Variants in RAG1 observed in about 807,000 individuals in gnomAD.
RAG1 encodes the protein recombination activating 1.
RAG1 carries 35 observed loss-of-function variants against 62.7 expected under a neutral mutation model. The ratio of observed to expected loss-of-function variants is 0.56; its 90% CI spans 0.43 to 0.74. The LOEUF (loss-of-function observed/expected upper bound fraction) is 0.74, where lower values mean the gene tolerates loss of function less well. Ranked by LOEUF, RAG1 falls within the 30% of genes least tolerant of loss-of-function variation. RAG1 has a pLI of 0.00. For missense variants in RAG1, 1,169 were observed against 1,278.6 expected (o/e 0.91, Z 1.31); for synonymous variants, 461 against 470.3 (o/e 0.98, Z 0.26).
intron 3 of RAG1, among the ~76,000 whole-genome samples, chr11:36,546,171 G>T (rs1850390368): frequency 6.6e-6 from 1 of 152,206 alleles, no homozygotes; most frequent in South Asian, 2.1e-4. Context: ...AATATTGACA[G>T]TGGGGTGTTA....
At chr11:36,557,079 G>GC (rs1180294090) in intron 3 of RAG1, among the ~76,000 whole-genome samples, 1 of 918 alleles carries the variant, frequency 1.1e-3, no homozygotes, top group African/African-American at 0.019. Context: ...TCTGTGCCCT[G>GC]CCCCCAGAGG....
At position 36,575,479 on chromosome 11, in the gene RAG1, C is replaced by G; in HGVS notation, c.2175C>G (p.Gly725=). The change falls in exon 2 of 2, where the codon GGC becomes GGG. Residue 725 remains glycine, a synonymous_variant. Transcript: ENST00000299440. The surrounding 1 kb of genome is among the most constrained non-coding windows in gnomAD (Gnocchi z 4.1). ...AAGTGGAAGGCCTCGAGGCTTCTGG[C>G]TCAGTCTACATTTGTACTCTTTGTG... ...VREVEGLEAS[G]SVYICTLCDA... The G allele has an allele frequency of 6.2e-7, 1 of 1,614,160 alleles. No individual in the cohort carries two copies. Among genetic ancestry groups the G allele is most frequent in the Non-Finnish European group, 8.5e-7 (1 of 1,180,030 alleles).
In RAG1 at chr11:36,576,346, C is replaced by T. The variant is rs1850851517; in HGVS notation, c.3042C>T (p.Thr1014=). The part of the protein sequence containing the change: ...KFMNAHNALK[T]SGFTMNPQAS... ...TGAATGCTCATAATGCATTAAAAAC[C>T]TCTGGGTTTACCATGAACCCTCAGG... The change falls in exon 2 of 2, where the codon ACC becomes ACT. Residue 1014 remains threonine, a synonymous_variant. Transcript: ENST00000299440. 6.2e-7 allele frequency: 1 copy of T among 1,614,108 alleles called. No individual in the cohort carries two copies. Among genetic ancestry groups the T allele is most frequent in the Non-Finnish European group, 8.5e-7 (1 of 1,180,016 alleles).
At chr11:36,548,304 G>A (rs758811549) in intron 3 of RAG1, among the ~76,000 whole-genome samples, 3 of 152,162 alleles carry the variant, frequency 2.0e-5, no homozygotes, top group East Asian at 1.9e-4. Flanking sequence ...GAAATAAAGC[G>A]TATTCAGATG....
chr11:36,535,889 C>A (rs1811807061), intron 2 of RAG1: 1 of 151,916 alleles, frequency 6.6e-6, no homozygotes, highest in Non-Finnish European at 1.5e-5. Context: ...ATATCATTAA[C>A]CCATGAAAAA....
intron 3 of RAG1, among the ~76,000 whole-genome samples, chr11:36,549,311 G>T (rs1310202698): frequency 6.6e-6 from 1 of 152,102 alleles, no homozygotes; most frequent in Non-Finnish European, 1.5e-5. Context: ...CACAGCAAAA[G>T]AAACTATCAT....
chr11:36,511,809 G>A (rs1859926988), intron 1 of RAG1, among the ~76,000 whole-genome samples: 1 of 152,128 alleles, frequency 6.6e-6, no homozygotes, highest in Non-Finnish European at 1.5e-5. Context: ...CTGGAGAAAA[G>A]GAAGAGCAAG....
chr11:36,576,108 TCAC>T lies in RAG1; in HGVS notation c.2807_2809del (p.Thr936del). ...TTCAAGTATAGGTATGAGGGAAAAA[TCAC>T]CAATTATTTTCACAAAACCCTGGCC... On this transcript the variant is annotated inframe_deletion, in exon 2 of 2. Transcript: ENST00000299440. The T allele has an allele frequency of 6.2e-7, 1 of 1,613,980 alleles. No homozygotes were observed. The highest frequency in any genetic ancestry group is 8.5e-7 in the Non-Finnish European group (1 of 1,180,016).
intron 2 of RAG1, among the ~76,000 whole-genome samples, chr11:36,526,610 C>A (rs1047544553): frequency 6.6e-6 from 1 of 152,096 alleles, no homozygotes; most frequent in East Asian, 1.9e-4. Context: ...AATGGGATTG[C>A]TAGTTCAAAT....
chr11:36,515,281 G>A (rs891745744), intron 1 of RAG1, among the ~76,000 whole-genome samples: 2 of 151,928 alleles, frequency 1.3e-5, no homozygotes, highest in Admixed American at 6.6e-5. Flanking sequence ...ATTAAAAGGC[G>A]AAAGAGGAAT....
At chr11:36,559,610 GT>G (rs561134199) in intron 3 of RAG1, among the ~76,000 whole-genome samples, 1 of 151,852 alleles carries the variant, frequency 6.6e-6, no homozygotes, top group Non-Finnish European at 1.5e-5. Flanking sequence ...CAAAAGACTT[GT>G]TTTCAAGTTC....
chr11:36,547,865 G>GA (rs1246506297), intron 3 of RAG1, among the ~76,000 whole-genome samples: 3 of 152,070 alleles, frequency 2.0e-5, no homozygotes. Flanking sequence ...ACATCGATGT[G>GA]AAAATCCTCA....
chr11:36,522,946 C>A (rs565518554), intron 2 of RAG1, among the ~76,000 whole-genome samples: 1 of 152,210 alleles, frequency 6.6e-6, no homozygotes, highest in African/African-American at 2.4e-5. Context: ...TGTATTTACC[C>A]AATGACTGTA....
chr11:36,571,649 C>T (rs1850746950), intron 1 of RAG1, among the ~76,000 whole-genome samples: 1 of 152,136 alleles, frequency 6.6e-6, no homozygotes, highest in Admixed American at 6.5e-5. Context: ...GAGTCCTGCT[C>T]TGTCATCCAG....
chr11:36,514,163 T>C (rs1190266525), intron 1 of RAG1, among the ~76,000 whole-genome samples: 1 of 152,198 alleles, frequency 6.6e-6, no homozygotes, highest in East Asian at 1.9e-4. Flanking sequence ...GCCAAAGCCT[T>C]GTGAGTGAGT....
At chr11:36,544,717 G>A (rs541433665) in intron 3 of RAG1, among the ~76,000 whole-genome samples, 4 of 152,234 alleles carry the variant, frequency 2.6e-5, no homozygotes, top group East Asian at 1.9e-4. Context: ...CCCAAATCTC[G>A]TCTAGAATTG....
rs1850777384 is a variant in RAG1, at chr11:36,573,384, A to G, written c.80A>G (p.Glu27Gly). Residue 27 changes from glutamate to glycine, a missense_variant, in exon 2 of 2, where the codon GAA becomes GGA. Physicochemically the swap from Glu to Gly is moderately conservative, Grantham distance 98. This residue lies in a region of RAG1 where 369 missense variants were observed against 335.3 expected (regional missense o/e 1.10). Transcript: ENST00000299440. The part of the protein sequence containing the change: ...EIQHPHIKFS[E>G]WKFKLFRVRS... ...CAGCACCCACATATTAAATTTTCAG[A>G]ATGGAAATTTAAGCTGTTCCGGGTG... is the stretch of plus-strand genomic sequence containing the variant. The G allele has an allele frequency of 6.2e-7, 1 of 1,614,128 alleles. No individual in the cohort carries two copies.
At chr11:36,511,615 C>G (rs1859924040) in intron 1 of RAG1, among the ~76,000 whole-genome samples, 1 of 152,072 alleles carries the variant, frequency 6.6e-6, no homozygotes, top group Admixed American at 6.6e-5. Context: ...TCTGTCAACC[C>G]CCTTTTAAAA....
At chr11:36,543,944 G>A (rs935946043) in intron 3 of RAG1, among the ~76,000 whole-genome samples, 1 of 152,112 alleles carries the variant, frequency 6.6e-6, no homozygotes, top group African/African-American at 2.4e-5. Context: ...CAATTTAATA[G>A]ACATTAAAAA....
Sources: allele counts gnomAD v4.1 joint callset (sites outside exome capture counted in the v4.1 genomes callset), GRCh38; gene constraint gnomAD v4.1.1; regional missense constraint gnomAD v4.1.1; non-coding constraint Gnocchi (gnomAD v3.1); transcripts MANE v1.5; gene names NCBI Gene and HGNC (gene_info 2026-07-23, HGNC 2026-07-21).